The following LRTM3 variants were observed in gnomAD, a reference collection of about 807,000 sequenced individuals.
LRTM3 encodes the protein leucine rich repeat transmembrane protein 3.
At chr13:102,735,940 AG>A in the LRTM3 span, 1 of 1,543,686 alleles carries the variant, frequency 6.5e-7, no homozygotes, top group Non-Finnish European at 8.8e-7. Flanking sequence ...CAATGTGCAA[AG>A]AGTAGTTCTT....
chr13:102,756,889 G>A, the LRTM3 span, among the ~76,000 whole-genome samples: 109 of 152,028 alleles, frequency 7.2e-4, no homozygotes, highest in Non-Finnish European at 7.4e-4. Context: ...GATGCCACCC[G>A]AGGATTAACT....
At chr13:102,733,664 A>G in the LRTM3 span, 2 of 1,551,342 alleles carry the variant, frequency 1.3e-6, no homozygotes, top group South Asian at 1.2e-5. Flanking sequence ...CCCTGTAAAG[A>G]GCCATTCCGG....
chr13:102,729,496 C>T, the LRTM3 span: 1 of 1,463,674 alleles, frequency 6.8e-7, no homozygotes. Flanking sequence ...GCGACCCCAA[C>T]AACTTTTTGG....
chr13:102,734,968 A>G, the LRTM3 span: 1 of 1,551,198 alleles, frequency 6.4e-7, no homozygotes, highest in Non-Finnish European at 8.7e-7. Flanking sequence ...TGCCTCCCTC[A>G]GTATCTGGTG....
At chr13:102,734,538 A>T in the LRTM3 span, 1 of 1,551,084 alleles carries the variant, frequency 6.4e-7, no homozygotes, top group Non-Finnish European at 8.7e-7. Flanking sequence ...GACTTCTTTG[A>T]CTTCAAAGTT....
the LRTM3 span, among the ~76,000 whole-genome samples, chr13:102,754,442 C>A: frequency 5.9e-5 from 9 of 152,076 alleles, no homozygotes; most frequent in African/African-American, 1.9e-4. Flanking sequence ...GGGCCTACAG[C>A]AATGCCTGAC....
At chr13:102,749,987 G>A in the LRTM3 span, 1 of 1,550,394 alleles carries the variant, frequency 6.4e-7, no homozygotes, top group Admixed American at 2.0e-5. Context: ...AAATAAGTGG[G>A]CAAGAGGGCA....
At chr13:102,743,760 T>A in the LRTM3 span, 2 of 1,550,478 alleles carry the variant, frequency 1.3e-6, no homozygotes, top group Non-Finnish European at 1.7e-6. Flanking sequence ...GACTCTCTAT[T>A]GATTTTATGT....
the LRTM3 span, chr13:102,742,458 T>C: frequency 1.1e-5 from 17 of 1,548,708 alleles, no homozygotes; most frequent in Non-Finnish European, 1.5e-5. Context: ...TCTGCCCTTG[T>C]TTTCCAGTCT....
chr13:102,738,474 G>C, the LRTM3 span: 1 of 1,550,736 alleles, frequency 6.4e-7, no homozygotes, highest in Non-Finnish European at 8.7e-7. Flanking sequence ...CCTTTAATAT[G>C]TTCTATCCTT....
chr13:102,746,672 A>G, the LRTM3 span: 12 of 1,551,238 alleles, frequency 7.7e-6, no homozygotes, highest in African/African-American at 4.1e-5. Flanking sequence ...ACAAGATAAA[A>G]CAGGAGTGCA....
At chr13:102,747,624 C>T in the LRTM3 span, 1 of 1,551,170 alleles carries the variant, frequency 6.4e-7, no homozygotes, top group Non-Finnish European at 8.7e-7. Context: ...CCAAATGGGA[C>T]ACTATACTCT....
the LRTM3 span, chr13:102,743,084 C>T: frequency 1.3e-6 from 2 of 1,550,368 alleles, no homozygotes; most frequent in East Asian, 4.9e-5. Context: ...ACGATCCTTT[C>T]TAAGATATGT....
chr13:102,758,822 C>T, the LRTM3 span: 1 of 1,549,800 alleles, frequency 6.5e-7, no homozygotes, highest in Non-Finnish European at 8.7e-7. Context: ...AAATTGCCAC[C>T]CAATCATTTT....
chr13:102,755,961 A>ATTTT, the LRTM3 span, among the ~76,000 whole-genome samples: 1 of 53,382 alleles, frequency 1.9e-5, no homozygotes, highest in African/African-American at 5.9e-5. Flanking sequence ...ATATATATAT[A>ATTTT]TTTTTTTTTT....
chr13:102,748,558 C>T, the LRTM3 span: 3 of 1,550,646 alleles, frequency 1.9e-6, no homozygotes, highest in East Asian at 7.3e-5. Context: ...CCTGTATTTT[C>T]ATTCTATTGT....
chr13:102,753,195 A>G, the LRTM3 span, among the ~76,000 whole-genome samples: 1 of 152,176 alleles, frequency 6.6e-6, no homozygotes. Context: ...GCTGGAAACC[A>G]TCATTCTCAC....
chr13:102,741,181 A>G, the LRTM3 span: 11 of 1,548,918 alleles, frequency 7.1e-6, no homozygotes, highest in Non-Finnish European at 9.6e-6. Flanking sequence ...ATTTTTTTGA[A>G]AAGTCCATTT....
At chr13:102,737,574 C>T in the LRTM3 span, 2 of 1,550,772 alleles carry the variant, frequency 1.3e-6, no homozygotes, top group African/African-American at 2.7e-5. Flanking sequence ...TTCCCTGGCT[C>T]TTTAGGATTC....
Sources: gnomAD v4.1 joint callset for allele counts (sites outside exome capture counted in the v4.1 genomes callset) on GRCh38, gnomAD v4.1.1 for gene constraint, MANE v1.5 for transcripts, NCBI Gene and HGNC (gene_info 2026-07-23, HGNC 2026-07-21) for gene names.